Variants in CHODL observed in about 807,000 individuals in gnomAD.
CHODL encodes the protein transmembrane protein MT75.
In CHODL, 29 loss-of-function variants were observed where a neutral mutation model predicts 34.5. The ratio of observed to expected loss-of-function variants is 0.84; its 90% CI spans 0.63 to 1.15. The LOEUF is 1.15. Ranked by LOEUF, CHODL falls within the 50% of genes most tolerant of loss-of-function variation. The pLI is 0.00. For missense variants in CHODL, 332 were observed against 332.5 expected, an observed-to-expected ratio of 1.00 and a Z score of 0.01; for synonymous variants, 125 against 116.1, an observed-to-expected ratio of 1.08 and a Z score of -0.49.
At chr21:18,127,181 G>GT (rs377194814) in intron 2 of CHODL, among the ~76,000 whole-genome samples, 28,025 of 150,894 alleles carry the variant, frequency 0.19, 3,418 homozygotes, top group East Asian at 0.59. Context: ...ATGGATATAT[G>GT]TTTTTTTTTA....
chr21:18,127,507 G>GCT (rs2065561004), intron 2 of CHODL, among the ~76,000 whole-genome samples: 1 of 151,990 alleles, frequency 6.6e-6, no homozygotes, highest in Non-Finnish European at 1.5e-5. Flanking sequence ...GCTTGAATAT[G>GCT]CTCACAGTGA....
intron 1 of CHODL, among the ~76,000 whole-genome samples, chr21:17,946,421 C>A (rs1232942601): frequency 2.0e-5 from 3 of 152,064 alleles, no homozygotes. Flanking sequence ...CAGAGATTTT[C>A]CCAGACAAAG....
chr21:18,257,652 A>G (rs1225218436), intron 3 of CHODL, among the ~76,000 whole-genome samples: 1 of 152,172 alleles, frequency 6.6e-6, no homozygotes, highest in African/African-American at 2.4e-5. Context: ...GGAAAAAAGT[A>G]GGAAGATGTG....
At chr21:18,018,537 T>C (rs2064097032) in intron 1 of CHODL, among the ~76,000 whole-genome samples, 1 of 152,208 alleles carries the variant, frequency 6.6e-6, no homozygotes, top group African/African-American at 2.4e-5. Context: ...ATGCTTACTC[T>C]TGCTTTGTCT....
chr21:18,263,900 C>A (rs1315682512), intron 5 of CHODL, among the ~76,000 whole-genome samples: 5 of 140,392 alleles, frequency 3.6e-5, no homozygotes, highest in Non-Finnish European at 7.7e-5. Context: ...ACATTAATAA[C>A]CTTTTTTTTT....
intron 2 of CHODL, among the ~76,000 whole-genome samples, chr21:18,232,969 A>ATATATATATATATATG (rs1568947327): frequency 2.2e-5 from 3 of 138,958 alleles, no homozygotes; most frequent in African/African-American, 9.0e-5. Flanking sequence ...ATATATATAT[A>ATATATATATATATATG]TATGTATATA....
intron 2 of CHODL, among the ~76,000 whole-genome samples, chr21:18,135,272 C>T (rs1430333175): frequency 6.6e-6 from 1 of 152,092 alleles, no homozygotes; most frequent in Non-Finnish European, 1.5e-5. Context: ...ATTTAATTTC[C>T]TAACATTTTC....
chr21:18,081,925 T>G (rs2064947002), intron 2 of CHODL, among the ~76,000 whole-genome samples: 1 of 152,216 alleles, frequency 6.6e-6, no homozygotes, highest in Admixed American at 6.5e-5. Context: ...TTGGTTTTTG[T>G]CCTCAACCCT....
intron 2 of CHODL, among the ~76,000 whole-genome samples, chr21:18,195,076 A>G (rs139644406): frequency 6.9e-6 from 1 of 145,286 alleles, no homozygotes; most frequent in African/African-American, 2.7e-5. Flanking sequence ...TATTTTTGAC[A>G]TGGAGTCTCT....
At chr21:18,010,545 A>G (rs1387606759) in intron 1 of CHODL, among the ~76,000 whole-genome samples, 1 of 152,130 alleles carries the variant, frequency 6.6e-6, no homozygotes, top group African/African-American at 2.4e-5. Context: ...AGCCTTCTAC[A>G]TCCTCTTTTA....
intron 2 of CHODL, among the ~76,000 whole-genome samples, chr21:18,070,036 A>ACCCC (rs1360966218): frequency 2.9e-4 from 9 of 30,962 alleles, no homozygotes; most frequent in Non-Finnish European, 4.6e-4. Flanking sequence ...CCCCCCCCCC[A>ACCCC]CCCATTTCCT....
intron 2 of CHODL, among the ~76,000 whole-genome samples, chr21:18,073,457 G>A (rs1281694163): frequency 3.9e-5 from 6 of 152,048 alleles, no homozygotes; most frequent in Non-Finnish European, 7.4e-5. Context: ...AGTAATGTAT[G>A]GCATGGCATG....
intron 5 of CHODL, among the ~76,000 whole-genome samples, chr21:18,263,376 A>G (rs1181627851): frequency 6.6e-6 from 1 of 152,148 alleles, no homozygotes; most frequent in East Asian, 1.9e-4. Context: ...TTTCAAAAAG[A>G]TCTTTTAAGA....
intron 2 of CHODL, among the ~76,000 whole-genome samples, chr21:18,157,627 A>G (rs2073049458): frequency 6.6e-6 from 1 of 152,240 alleles, no homozygotes; most frequent in African/African-American, 2.4e-5. Context: ...TGAGCAAAAA[A>G]TGCCATATTC....
chr21:18,183,099 A>G (rs1009190941), intron 2 of CHODL, among the ~76,000 whole-genome samples: 8 of 152,188 alleles, frequency 5.3e-5, no homozygotes, highest in Non-Finnish European at 4.4e-5. Context: ...TTTAAAATAC[A>G]CTTTAAAAAT....
chr21:18,245,292 C>A lies in CHODL; in HGVS notation c.69C>A (p.Arg23=). The change falls in exon 1 of 6, where the codon CGC becomes CGA. Residue 23 remains arginine, a synonymous_variant. Coordinates refer to ENST00000299295, the MANE Select transcript of CHODL (RefSeq NM_024944.3). ...GCGGCCACGGAGCCTTCTGCCGCCG[C>A]GTGGTCAGCGGTGAGTCAGGGGCCG... is the stretch of plus-strand genomic sequence containing the variant. The part of the protein sequence containing the change: ...LLCGHGAFCR[R]VVSGQKVCFA... 6.6e-7 allele frequency: 1 copy of A among 1,524,436 alleles called. No homozygotes were observed. The allele number at this position is 1,524,436 out of a possible 1,614,324, so 94.4% of individuals were successfully genotyped here. A position where few individuals can be genotyped will look rare whatever the true frequency, so the allele number is the denominator to read the frequency against.
chr21:18,023,676 A>T (rs2064148275), intron 1 of CHODL, among the ~76,000 whole-genome samples: 1 of 152,076 alleles, frequency 6.6e-6, no homozygotes, highest in Non-Finnish European at 1.5e-5. Context: ...CCCCTTAACC[A>T]ATTACATTGG....
At chr21:18,237,503 A>C (rs955774277) in intron 2 of CHODL, among the ~76,000 whole-genome samples, 1 of 152,148 alleles carries the variant, frequency 6.6e-6, no homozygotes, top group African/African-American at 2.4e-5. Flanking sequence ...AGAATTGCCA[A>C]AGCCTTCTTT....
intron 2 of CHODL, among the ~76,000 whole-genome samples, chr21:18,173,053 T>C (rs2073251462): frequency 5.9e-5 from 9 of 152,200 alleles, no homozygotes; most frequent in Admixed American, 5.9e-4. Context: ...ACATGGCTGC[T>C]TGCTTTTTTA....
Sources: allele counts gnomAD v4.1 joint callset (sites outside exome capture counted in the v4.1 genomes callset), GRCh38; gene constraint gnomAD v4.1.1; transcripts MANE v1.5; gene names NCBI Gene and HGNC (gene_info 2026-07-23, HGNC 2026-07-21).